Variants in ADAMTS20 observed in about 807,000 individuals in gnomAD.
ADAMTS20 encodes the protein ADAM metallopeptidase with thrombospondin type 1 motif 20, also known as A disintegrin and metalloproteinase with thrombospondin motifs 20.
ADAMTS20 carries 225 observed loss-of-function variants against 260.1 expected under a neutral mutation model. The observed-to-expected ratio is 0.87, with a 90% CI of 0.78 to 0.97. The LOEUF (loss-of-function observed/expected upper bound fraction) is 0.97, where lower values mean the gene tolerates loss of function less well. Ranked by LOEUF, ADAMTS20 falls within the 50% of genes least tolerant of loss-of-function variation. The probability of loss-of-function intolerance (pLI) is 0.00; values close to 1 mark genes in which losing one functional copy is unlikely to be tolerated. For missense variants in ADAMTS20, 2,400 were observed against 2,337.7 expected (o/e 1.03, Z -0.55); for synonymous variants, 802 against 769.5 (o/e 1.04, Z -0.70).
chr12:43,479,778 G>A (rs1211609154), intron 7 of ADAMTS20, among the ~76,000 whole-genome samples: 1 of 151,976 alleles, frequency 6.6e-6, no homozygotes, highest in Admixed American at 6.5e-5. Flanking sequence ...CTTACAAATA[G>A]AACAGCAGGA....
At chr12:43,477,027 G>A (rs1592089539) in intron 7 of ADAMTS20, among the ~76,000 whole-genome samples, 5 of 127,624 alleles carry the variant, frequency 3.9e-5, no homozygotes, top group South Asian at 5.1e-4. Flanking sequence ...CATGATACAA[G>A]ATGATTTAAA....
rs139183204 is a variant in ADAMTS20 at position 43,477,268 on chromosome 12, A to C, written c.1118-8563T>G. ...CAGAATGTCTAGCATTCAAGCACTA[A>C]AAAAATAGTAAGAAATGACAGATAC... is the stretch of plus-strand genomic sequence containing the variant. On this transcript the variant is annotated intron_variant, in intron 7 of 38. Coordinates refer to ENST00000389420, the MANE Select transcript of ADAMTS20 (RefSeq NM_025003.5). 8.5e-4 allele frequency among the ~76,000 whole-genome samples: 129 copies of C among 152,240 alleles called. 2 individuals are homozygous for C. Among genetic ancestry groups the C allele is most frequent in the African/African-American group, 2.7e-3 (113 of 41,552 alleles).
At position 43,354,178 on chromosome 12, in the gene ADAMTS20, T is replaced by C; in HGVS notation, c.*31A>G. The C allele has an allele frequency of 6.8e-7, 1 of 1,464,634 alleles. No homozygotes were observed. The highest frequency in any genetic ancestry group is 2.4e-5 in the East Asian group (1 of 41,304). The allele number at this position is 1,464,634 out of a possible 1,614,324, so 90.7% of individuals were successfully genotyped here. ...TTTGAATATTCCAGAGAATATCCCC[T>C]CTTTAGGGCATACTTCCCCCTTCTA... On this transcript the variant is annotated 3_prime_UTR_variant, in exon 39 of 39. Transcript: ENST00000389420.
rs61465679 is a variant in ADAMTS20, at chr12:43,421,282, C to CAAAA, written c.4284+4228_4284+4231dup. Among the ~76,000 whole-genome samples the CAAAA allele has an allele frequency of 8.7e-4, 103 of 118,872 alleles. 3 individuals carry two copies. Among genetic ancestry groups the CAAAA allele is most frequent in the Middle Eastern group, 4.6e-3 (1 of 216 alleles). The allele number at this position is 118,872 out of a possible 152,430, so 78.0% of individuals were successfully genotyped here. On this transcript the variant is annotated intron_variant, in intron 28 of 38. Coordinates refer to ENST00000389420, the MANE Select transcript of ADAMTS20 (RefSeq NM_025003.5). ...GGTTCAAGTAGCAAGCTTTCATTTA[C>CAAAA]AAAAAAAAAAAAAAAACTTTCTCTT...
rs145948195 is a variant in ADAMTS20 at position 43,549,057 on chromosome 12, T to C, written c.453+1852A>G. Among the ~76,000 whole-genome samples, 164 of 152,102 alleles carry C rather than the reference T, an allele frequency of 1.1e-3. 2 individuals carry two copies. The highest frequency in any genetic ancestry group is 3.8e-3 in the African/African-American group (156 of 41,562). On this transcript the variant is annotated intron_variant, in intron 2 of 38. Transcript: ENST00000389420. ...TTTGTAATTTCTAGTAATCCCTCAA[T>C]TAAATTAAATAATTTTGTTCTGAAT...
At chr12:43,490,836 G>A (rs1015931526) in intron 6 of ADAMTS20, among the ~76,000 whole-genome samples, 2 of 151,568 alleles carry the variant, frequency 1.3e-5, no homozygotes, top group African/African-American at 4.8e-5. Context: ...AATTTTTTTT[G>A]CTTCTGCATT....
chr12:43,414,908 C>T (rs1941100631), intron 28 of ADAMTS20, among the ~76,000 whole-genome samples: 1 of 152,002 alleles, frequency 6.6e-6, no homozygotes, highest in African/African-American at 2.4e-5. Context: ...GTAGGTCCCA[C>T]ATTAAAAACA....
chr12:43,493,765 C>A (rs113828679), intron 4 of ADAMTS20, among the ~76,000 whole-genome samples: 1 of 152,170 alleles, frequency 6.6e-6, no homozygotes, highest in Admixed American at 6.5e-5. Context: ...TGATAGTTCA[C>A]CTAATCTTTC....
chr12:43,423,779 G>T (rs886833144), intron 28 of ADAMTS20: 1 of 702,520 alleles, frequency 1.4e-6, no homozygotes, highest in African/African-American at 1.7e-5. Context: ...AATTGTCTCT[G>T]GATCACAGTG....
intron 11 of ADAMTS20, among the ~76,000 whole-genome samples, chr12:43,458,609 G>A (rs1245661031): frequency 1.3e-5 from 2 of 152,148 alleles, no homozygotes; most frequent in Non-Finnish European, 2.9e-5. Flanking sequence ...TTCATATAAT[G>A]TCTGTCCTGA....
intron 2 of ADAMTS20, among the ~76,000 whole-genome samples, chr12:43,543,060 G>A (rs1943397012): frequency 6.6e-6 from 1 of 152,164 alleles, no homozygotes; most frequent in Admixed American, 6.5e-5. Flanking sequence ...AACACTTTGG[G>A]AGGCTGAGGC....
intron 31 of ADAMTS20, among the ~76,000 whole-genome samples, chr12:43,378,218 GAAAC>G (rs1940272845): frequency 6.6e-6 from 1 of 152,152 alleles, no homozygotes; most frequent in Non-Finnish European, 1.5e-5. Context: ...TGACAGATGA[GAAAC>G]AAAGTGACAC....
chr12:43,408,211 A>G (rs1334392871), intron 28 of ADAMTS20, among the ~76,000 whole-genome samples: 10 of 152,218 alleles, frequency 6.6e-5, no homozygotes, highest in Non-Finnish European at 1.3e-4. Flanking sequence ...GCCACATTCC[A>G]TTATAAAAAC....
chr12:43,430,555 A>G, intron 22 of ADAMTS20, 84 bp from the exon 23 acceptor site: 1 of 1,238,460 alleles, frequency 8.1e-7, no homozygotes, highest in East Asian at 2.6e-5. Flanking sequence ...TACCCTGTTA[A>G]TAATATACTT....
At chr12:43,532,412 G>A (rs1033585818) in intron 2 of ADAMTS20, among the ~76,000 whole-genome samples, 1 of 152,072 alleles carries the variant, frequency 6.6e-6, no homozygotes, top group Non-Finnish European at 1.5e-5. Flanking sequence ...TGTTCCAACA[G>A]GCCAAGCTAA....
At chr12:43,475,428 C>G (rs1323550551) in intron 7 of ADAMTS20, among the ~76,000 whole-genome samples, 2 of 139,160 alleles carry the variant, frequency 1.4e-5, no homozygotes, top group African/African-American at 5.3e-5. Context: ...AGGTAATTTA[C>G]AGATTCAATG....
intron 3 of ADAMTS20, among the ~76,000 whole-genome samples, chr12:43,518,976 A>G (rs1226242077): frequency 1.3e-5 from 2 of 152,012 alleles, no homozygotes; most frequent in Non-Finnish European, 2.9e-5. Flanking sequence ...ACCACTTCTT[A>G]ACACAATTAT....
chr12:43,453,357 T>A (rs959986630), intron 12 of ADAMTS20, among the ~76,000 whole-genome samples: 1 of 152,226 alleles, frequency 6.6e-6, no homozygotes, highest in Non-Finnish European at 1.5e-5. Context: ...AACAAAAACA[T>A]TAATTTAAAA....
intron 23 of ADAMTS20, 60 bp downstream of exon 23, chr12:43,430,290 AAC>A: frequency 6.6e-7 from 1 of 1,515,782 alleles, no homozygotes. Context: ...AAATAATTTT[AAC>A]ACATCAATAA....
Sources: gnomAD v4.1 joint callset for allele counts (sites outside exome capture counted in the v4.1 genomes callset) on GRCh38, gnomAD v4.1.1 for gene constraint, MANE v1.5 for transcripts, NCBI Gene and HGNC (gene_info 2026-07-23, HGNC 2026-07-21) for gene names.